Variants in PTS observed in about 807,000 individuals in gnomAD.
PTS encodes 6-pyruvoyltetrahydropterin synthase.
Under a neutral mutation model 20.6 loss-of-function variants are expected in PTS, and 23 were observed. The observed-to-expected ratio is 1.12, with a 90% CI of 0.80 to 1.58. PTS has a LOEUF of 1.58. PTS is among the 40% of genes most tolerant of loss of function. PTS has a pLI of 0.00. For missense variants in PTS, 186 were observed against 182.4 expected (o/e 1.02, Z -0.11); for synonymous variants, 65 against 62.5 (o/e 1.04, Z -0.19).
chr11:112,232,973 G>A (rs934594023), intron 4 of PTS, among the ~76,000 whole-genome samples, 190 bp from the exon 5 acceptor site: 1 of 152,122 alleles, frequency 6.6e-6, no homozygotes. Flanking sequence ...AATCATTACC[G>A]ACAGCTGGGC....
rs1859967092 is a variant in PTS at position 112,233,292 on chromosome 11, TTTGA to T, written c.314+63_314+66del. 7.7e-6 allele frequency: 12 copies of T among 1,568,012 alleles called. No individual in the cohort carries two copies. The Admixed American group carries it at 2.0e-4, about 26-fold the overall frequency. Reference sequence around the variant, plus strand: ...GTAAAACAAGAATTGATTTGAATACTTTGATTGTTGTGTGATTTCTGAAGTTTTA... The same window carrying T: ...GTAAAACAAGAATTGATTTGAATACTTTGTTGTGTGATTTCTGAAGTTTTA... On this transcript the variant is annotated intron_variant, in intron 5 of 5. Coordinates refer to ENST00000280362, the MANE Select transcript of PTS (RefSeq NM_000317.3).
At chr11:112,226,751 G>C (rs1041555587) in intron 1 of PTS, among the ~76,000 whole-genome samples, 11 of 151,912 alleles carry the variant, frequency 7.2e-5, no homozygotes, top group Non-Finnish European at 1.5e-4. Flanking sequence ...GATGGTTAAC[G>C]GAGCCGACTG....
At position 112,233,445 on chromosome 11, in the gene PTS, G is replaced by A; in HGVS notation, c.328G>A (p.Val110Ile). The change falls in exon 6 of 6, where the codon GTA becomes ATA. Residue 110 changes from valine to isoleucine, a missense_variant. Physicochemically the swap from Val to Ile is conservative, Grantham distance 29. Transcript: ENST00000280362. ...FADVVSTTEN[V>I]AVYIWDNLQK... Reference sequence around the variant, plus strand: ...TTTTTCTTATAGCACGACTGAAAATGTAGCTGTTTATATCTGGGACAACCT... The same window carrying A: ...TTTTTCTTATAGCACGACTGAAAATATAGCTGTTTATATCTGGGACAACCT... The A allele has an allele frequency of 6.2e-7, 1 of 1,611,764 alleles. No homozygotes were observed. Among genetic ancestry groups the A allele is most frequent in the Non-Finnish European group, 8.5e-7 (1 of 1,179,218 alleles).
rs974148802 is a variant in PTS, at chr11:112,226,443, G to T, written c.-1G>T. On this transcript the variant is annotated 5_prime_UTR_variant, in exon 1 of 6. Coordinates refer to ENST00000280362, the MANE Select transcript of PTS (RefSeq NM_000317.3). ...CGAGCACCGCAGACAGCGCCGGGAA[G>T]ATGAGCACGGAAGGTGGTGGCCGTC... 6.3e-7 allele frequency: 1 copy of T among 1,578,646 alleles called. No homozygotes were observed. The highest frequency in any genetic ancestry group is 8.6e-7 in the Non-Finnish European group (1 of 1,164,324).
chr11:112,226,551 G>T, intron 1 of PTS, 25 bp downstream of exon 1: 2 of 1,518,196 alleles, frequency 1.3e-6, no homozygotes, highest in East Asian at 2.7e-5. Flanking sequence ...CAGGTACAGC[G>T]GCGGGCGGTG....
At chr11:112,229,338 A>G (rs1859901872) in intron 2 of PTS, 1 of 152,420 alleles carries the variant, frequency 6.6e-6, no homozygotes, top group African/African-American at 2.4e-5. Context: ...CAGAACTAAA[A>G]TACATAAATT....
At chr11:112,228,920 T>C in intron 2 of PTS, 1 of 523,312 alleles carries the variant, frequency 1.9e-6, no homozygotes. Flanking sequence ...CATTTTTCTT[T>C]GTCCTAGAGT....
rs1361739345 is a variant in PTS at position 112,226,466 on chromosome 11, G to C, written c.23G>C (p.Arg8Pro). MSTEGGG[R>P]RCQAQVSRRI... is the part of the protein sequence containing the mutation. ...AAGATGAGCACGGAAGGTGGTGGCC[G>C]TCGCTGCCAGGCACAAGTGTCCCGC... The change falls in exon 1 of 6, where the codon CGT (arginine) becomes CCT (proline). Residue 8 changes from arginine to proline, a missense_variant. Transcript: ENST00000280362. 1 of 1,580,902 alleles carries C rather than the reference G, an allele frequency of 6.3e-7. No homozygotes were observed. The highest frequency in any genetic ancestry group is 1.2e-5 in the South Asian group (1 of 86,256).
At chr11:112,230,917 G>A (rs1175838763) in intron 4 of PTS, among the ~76,000 whole-genome samples, 1 of 152,070 alleles carries the variant, frequency 6.6e-6, no homozygotes, top group Non-Finnish European at 1.5e-5. Flanking sequence ...AATATAACAT[G>A]CTCACCTTGT....
At chr11:112,232,182 T>C (rs1859947060) in intron 4 of PTS, among the ~76,000 whole-genome samples, 1 of 152,090 alleles carries the variant, frequency 6.6e-6, no homozygotes, top group Non-Finnish European at 1.5e-5. Context: ...AGTTCAAGGC[T>C]GCAGTGAGCT....
rs372898443 is a variant in PTS at position 112,232,761 on chromosome 11, T to C, written c.244-402T>C. ...CTGCTTTATAAAATGTAGTAGTCAC[T>C]GGATCTTTGTCCTTATGATATTGTG... On this transcript the variant is annotated intron_variant, in intron 4 of 5. Transcript: ENST00000280362. Among the ~76,000 whole-genome samples, 4 of 152,358 alleles carry C rather than the reference T, an allele frequency of 2.6e-5. No individual in the cohort carries two copies. In the East Asian group the frequency reaches 5.8e-4, roughly 22 times the overall value.
chr11:112,231,960 GAGAAA>G lies in PTS; in HGVS notation c.244-1187_244-1183del, dbSNP rs1249689416. ...GAGGGGAAAGAAAGAAAAAGAAAAAGAGAAAAGAAAAGAAAAGAAAGAAAAGAGAC... is the reference window on the plus strand; with the variant it reads ...GAGGGGAAAGAAAGAAAAAGAAAAAGAGAAAAGAAAAGAAAGAAAAGAGAC... On this transcript the variant is annotated intron_variant, in intron 4 of 5. Coordinates refer to ENST00000280362, the MANE Select transcript of PTS (RefSeq NM_000317.3). 1.6e-3 allele frequency among the ~76,000 whole-genome samples: 242 copies of G among 150,964 alleles called. 2 individuals are homozygous for G. The highest frequency in any genetic ancestry group is 3.4e-3 in the African/African-American group (140 of 40,670).
At chr11:112,226,576 G>T in intron 1 of PTS, 50 bp downstream of exon 1, 2 of 1,469,156 alleles carry the variant, frequency 1.4e-6, no homozygotes, top group Non-Finnish European at 1.8e-6. Context: ...CCGGGCCCCG[G>T]AACGTCACCG....
At chr11:112,227,109 G>T (rs976860540) in intron 1 of PTS, among the ~76,000 whole-genome samples, 5 of 151,348 alleles carry the variant, frequency 3.3e-5, no homozygotes, top group Admixed American at 6.6e-5. Context: ...AAGCAGCATA[G>T]TTGGGATTTG....
Position 112,233,241 on chromosome 11 carries a change from G to C in PTS, c.314+8G>C. On this transcript the variant is annotated splice_region_variant and intron_variant, in intron 5 of 5. Transcript: ENST00000280362. ...CTTTGCAGATGTGGTGAGGTGGGTG[G>C]CACTGTATCTTGCCTTATGTGGATT... 6.2e-7 allele frequency: 1 copy of C among 1,611,430 alleles called. No individual in the cohort carries two copies. The highest frequency in any genetic ancestry group is 8.5e-7 in the Non-Finnish European group (1 of 1,177,594).
At chr11:112,228,405 A>T (rs1859891686) in intron 1 of PTS, 189 bp from the exon 2 acceptor site, 1 of 611,398 alleles carries the variant, frequency 1.6e-6, no homozygotes, top group Non-Finnish European at 2.9e-6. Context: ...ATTAGGGAAT[A>T]TGCCATGGTT....
At chr11:112,229,945 C>A (rs945238465) in intron 2 of PTS, 27 of 542,514 alleles carry the variant, frequency 5.0e-5, no homozygotes, top group Non-Finnish European at 8.2e-5. Context: ...AATTTACACC[C>A]TTTTCAGCCT....
At chr11:112,228,241 T>C in intron 1 of PTS, 1 of 261,014 alleles carries the variant, frequency 3.8e-6, no homozygotes. Context: ...TATCATTATA[T>C]GCTGTTATTT....
chr11:112,228,524 T>C (rs1016898176), intron 1 of PTS, 70 bp from the exon 2 acceptor site: 5 of 1,283,810 alleles, frequency 3.9e-6, no homozygotes, highest in Non-Finnish European at 5.5e-6. Flanking sequence ...ATAATAAATA[T>C]AAGGAACAGA....
Sources: gnomAD v4.1 joint callset for allele counts (sites outside exome capture counted in the v4.1 genomes callset) on GRCh38, gnomAD v4.1.1 for gene constraint, MANE v1.5 for transcripts, NCBI Gene and HGNC (gene_info 2026-07-23, HGNC 2026-07-21) for gene names.